Variants in CSE1L observed in about 807,000 individuals in gnomAD.
CSE1L encodes the protein chromosome segregation 1 like.
In CSE1L, 24 loss-of-function variants were observed where a neutral mutation model predicts 120.4. The observed-to-expected ratio is 0.20, with a 90% CI of 0.14 to 0.28. The LOEUF (loss-of-function observed/expected upper bound fraction) is 0.28, where lower values mean the gene tolerates loss of function less well. Ranked by LOEUF, CSE1L falls within the 10% of genes least tolerant of loss-of-function variation. The pLI is 1.00. For missense variants in CSE1L, 830 were observed against 1,145.2 expected, an observed-to-expected ratio of 0.72 and a Z score of 3.97; for synonymous variants, 402 against 398.3, an observed-to-expected ratio of 1.01 and a Z score of -0.11.
intron 1 of CSE1L, among the ~76,000 whole-genome samples, chr20:49,055,714 G>C (rs1348073543): frequency 6.6e-6 from 1 of 152,056 alleles, no homozygotes; most frequent in Non-Finnish European, 1.5e-5. Context: ...GCAAGACTCT[G>C]TCTGAAAAAA....
At chr20:49,072,150 C>T (rs1316376064) in intron 8 of CSE1L, 136 bp from the exon 9 acceptor site, 3 of 846,026 alleles carry the variant, frequency 3.5e-6, no homozygotes, top group Non-Finnish European at 5.5e-6. Flanking sequence ...TTGGTGGTGG[C>T]ATAGCTGTAG....
At chr20:49,072,837 G>C in intron 10 of CSE1L, 140 bp downstream of exon 10, 1 of 887,766 alleles carries the variant, frequency 1.1e-6, no homozygotes, top group Non-Finnish European at 1.6e-6. Flanking sequence ...GACAGAAAAT[G>C]TAGTATCTGT....
chr20:49,084,929 A>G (rs2092042892), intron 15 of CSE1L, among the ~76,000 whole-genome samples: 1 of 152,160 alleles, frequency 6.6e-6, no homozygotes, highest in South Asian at 2.1e-4. Flanking sequence ...TGCAGAAAAC[A>G]GTTCTGAATC....
chr20:49,093,572 T>C (rs1568789741), intron 22 of CSE1L, among the ~76,000 whole-genome samples: 1 of 81,246 alleles, frequency 1.2e-5, no homozygotes, highest in Non-Finnish European at 2.3e-5. Context: ...CTCTTTTTTT[T>C]TTTTTTTTCT....
In CSE1L at chr20:49,075,402, C is replaced by T; in HGVS notation, c.1217C>T (p.Ser406Phe). 1 of 1,613,988 alleles carries T rather than the reference C, an allele frequency of 6.2e-7. No individual in the cohort carries two copies. Among genetic ancestry groups the T allele is most frequent in the South Asian group, 1.1e-5 (1 of 91,070 alleles). ...GAGGGACCTGTGACAGGAATCTTCT[C>T]TGGTTATGTTAATTCCATGCTGCAG... ...FFEGPVTGIF[S>F]GYVNSMLQEY... Residue 406 changes from serine (S) to phenylalanine (F), a missense_variant, in exon 12 of 25, where the codon TCT (serine) becomes TTT (phenylalanine). Around this residue, in one of 4 missense-constraint regions of CSE1L, gnomAD observed 543 missense variants for 640.2 expected, o/e 0.85. Coordinates refer to ENST00000262982, the MANE Select transcript of CSE1L (RefSeq NM_001316.4).
chr20:49,047,202 T>G (rs971920454), intron 1 of CSE1L, among the ~76,000 whole-genome samples: 22 of 152,114 alleles, frequency 1.4e-4, no homozygotes, highest in Non-Finnish European at 5.9e-5. Context: ...TTGAGGCTGG[T>G]CACCTCATCT....
chr20:49,067,402 T>G, intron 6 of CSE1L, 122 bp downstream of exon 6: 2 of 628,782 alleles, frequency 3.2e-6, no homozygotes, highest in South Asian at 6.3e-5. Flanking sequence ...GCATTTCTTT[T>G]GAAAAATTTC....
chr20:49,086,229 A>G lies in CSE1L; in HGVS notation c.1723+843A>G, dbSNP rs76850164. Among the ~76,000 whole-genome samples the G allele has an allele frequency of 1.4e-3, 208 of 152,278 alleles. 2 individuals carry two copies. The highest frequency in any genetic ancestry group is 4.7e-3 in the African/African-American group (196 of 41,560). On this transcript the variant is annotated intron_variant, in intron 16 of 24. Transcript: ENST00000262982. Reference sequence around the variant, plus strand: ...TTGGGTTGTAGGAAGCACTTTTCAGAGAAACTCCCTGATCTTTTCAGTCTG... The same window carrying G: ...TTGGGTTGTAGGAAGCACTTTTCAGGGAAACTCCCTGATCTTTTCAGTCTG...
intron 2 of CSE1L, 126 bp downstream of exon 2, chr20:49,058,674 A>G (rs1205655428): frequency 2.8e-5 from 19 of 667,226 alleles, no homozygotes; most frequent in Admixed American, 5.3e-5. Flanking sequence ...AGCGTAGTTT[A>G]TAAGTGTTAC....
intron 1 of CSE1L, among the ~76,000 whole-genome samples, chr20:49,048,168 A>G (rs1394736929): frequency 3.3e-5 from 4 of 120,422 alleles, no homozygotes; most frequent in African/African-American, 1.4e-4. Flanking sequence ...TTTTTTTGAC[A>G]TGCTTTCAGA....
At position 49,095,207 on chromosome 20, in the gene CSE1L, A is replaced by G. The variant is rs1022511778; in HGVS notation, c.2826+244A>G. The stretch of plus-strand genomic sequence containing the variant: ...GAACAAAGGAGGAAAAATCCCTTCA[A>G]TAGAAATGTAATAAGGCTGTATAGT... On this transcript the variant is annotated intron_variant, in intron 24 of 24. Transcript: ENST00000262982. 7 of 626,942 alleles carry G rather than the reference A, an allele frequency of 1.1e-5. 1 individual carries two copies. Among genetic ancestry groups the G allele is most frequent in the South Asian group, 6.6e-5 (4 of 60,424 alleles). The allele number at this position is 626,942 out of a possible 1,614,324, so 38.8% of individuals were successfully genotyped here.
chr20:49,056,701 A>AT (rs2091810135), intron 1 of CSE1L, among the ~76,000 whole-genome samples: 1 of 130,360 alleles, frequency 7.7e-6, no homozygotes, highest in Non-Finnish European at 1.7e-5. Context: ...GTGTTTTTTC[A>AT]TTTTCCTTTT....
intron 1 of CSE1L, among the ~76,000 whole-genome samples, chr20:49,054,670 C>T (rs1248140185): frequency 1.3e-5 from 2 of 152,164 alleles, no homozygotes; most frequent in African/African-American, 2.4e-5. Flanking sequence ...TGACACTTCC[C>T]CCATTCTGCA....
intron 1 of CSE1L, 95 bp from the exon 2 acceptor site, chr20:49,058,358 C>T (rs915689026): frequency 1.2e-6 from 1 of 820,542 alleles, no homozygotes; most frequent in Non-Finnish European, 1.9e-6. Context: ...GGATGACTTT[C>T]AGAGAGAATA....
In CSE1L at chr20:49,096,578, T is replaced by C. The variant is rs902279615; in HGVS notation, c.*140T>C. The C allele has an allele frequency of 1.4e-5, 10 of 692,218 alleles. No homozygotes were observed. The highest frequency in any genetic ancestry group is 2.2e-5 in the Non-Finnish European group (9 of 406,072). The allele number at this position is 692,218 out of a possible 1,614,324, so 42.9% of individuals were successfully genotyped here. A position where few individuals can be genotyped will look rare whatever the true frequency, so the allele number is the denominator to read the frequency against. Reference sequence around the variant, plus strand: ...TCTTGTAAAGGATATTAAATGTTGCTTTAACCTGAACCTTGAGCAAATTAG... The same window carrying C: ...TCTTGTAAAGGATATTAAATGTTGCCTTAACCTGAACCTTGAGCAAATTAG... On this transcript the variant is annotated 3_prime_UTR_variant, in exon 25 of 25. Transcript: ENST00000262982.
chr20:49,079,512 G>A (rs1359221654), intron 14 of CSE1L, among the ~76,000 whole-genome samples: 1 of 152,054 alleles, frequency 6.6e-6, no homozygotes, highest in Non-Finnish European at 1.5e-5. Context: ...ACAGCTGTGA[G>A]CCACTGCACC....
chr20:49,064,079 A>G (rs2091872253), intron 3 of CSE1L, among the ~76,000 whole-genome samples: 1 of 152,190 alleles, frequency 6.6e-6, no homozygotes, highest in Admixed American at 6.5e-5. Flanking sequence ...TAGCTGGAGG[A>G]TTGCTACTGG....
At chr20:49,060,380 G>A (rs866573646) in intron 2 of CSE1L, among the ~76,000 whole-genome samples, 8 of 152,070 alleles carry the variant, frequency 5.3e-5, no homozygotes, top group Middle Eastern at 6.8e-3. Context: ...TACTTGGGAG[G>A]CTGAGGCAGG....
At chr20:49,077,676 G>A (rs1048111225) in intron 13 of CSE1L, among the ~76,000 whole-genome samples, 1 of 152,198 alleles carries the variant, frequency 6.6e-6, no homozygotes, top group East Asian at 1.9e-4. Flanking sequence ...AAAAATTGGA[G>A]TACATTTCAA....
Sources: allele counts gnomAD v4.1 joint callset (sites outside exome capture counted in the v4.1 genomes callset), GRCh38; gene constraint gnomAD v4.1.1; regional missense constraint gnomAD v4.1.1; transcripts MANE v1.5; gene names NCBI Gene and HGNC (gene_info 2026-07-23, HGNC 2026-07-21).